The following PARD3B variants were observed in gnomAD, a reference collection of about 807,000 sequenced individuals.
PARD3B encodes par-3 family cell polarity regulator beta.
A neutral mutation model predicts 130.2 loss-of-function variants in PARD3B; 103 were observed. That is an observed-to-expected ratio of 0.79 (90% CI 0.67 to 0.93). The LOEUF is 0.93. PARD3B is among the 40% of genes least tolerant of loss of function. PARD3B has a pLI of 0.00. For missense variants in PARD3B, 1,609 were observed against 1,499.2 expected (o/e 1.07, Z -1.21); for synonymous variants, 583 against 553.2 (o/e 1.05, Z -0.76).
rs1025687029 is a variant in PARD3B, at chr2:205,341,470, T to G, written c.2630+39769T>G. Among the ~76,000 whole-genome samples the G allele has an allele frequency of 2.0e-5, 3 of 152,124 alleles. No individual in the cohort carries two copies. Among genetic ancestry groups the G allele is most frequent in the Non-Finnish European group, 4.4e-5 (3 of 67,996 alleles). On this transcript the variant is annotated intron_variant, in intron 18 of 22. Transcript: ENST00000406610. This position sits in a 1 kb window ranked among gnomAD's most constrained non-coding sequence, Gnocchi z 4.3. ...TGGATGAGCCTGGAGGACATTATGT[T>G]AAACAAAATAAGTCAGGCACAGAAA...
chr2:205,535,338 C>G (rs1553539222), intron 21 of PARD3B, among the ~76,000 whole-genome samples: 2 of 152,118 alleles, frequency 1.3e-5, no homozygotes, highest in Non-Finnish European at 2.9e-5. Flanking sequence ...TACTCAGACT[C>G]TTTATTTGGT....
At chr2:204,759,315 A>G (rs547160149) in intron 2 of PARD3B, among the ~76,000 whole-genome samples, 103 of 152,312 alleles carry the variant, frequency 6.8e-4, no homozygotes, top group African/African-American at 2.4e-3. Context: ...AAACTTTTCA[A>G]ATAAGTATAA....
rs139969962 is a variant in PARD3B at position 204,680,027 on chromosome 2, T to A, written c.121-6154T>A. 3.2e-4 allele frequency among the ~76,000 whole-genome samples: 49 copies of A among 152,194 alleles called. 2 individuals carry two copies. The East Asian group carries it at 4.4e-3, about 14-fold the overall frequency. ...AGAGAGAGACTGGGATATTATTTTC[T>A]TGTAATATCCTTGTAAGGATATTGG... is the stretch of plus-strand genomic sequence containing the variant. On this transcript the variant is annotated intron_variant, in intron 1 of 22. Transcript: ENST00000406610.
At chr2:205,528,521 C>A (rs1030423435) in intron 21 of PARD3B, among the ~76,000 whole-genome samples, 1 of 150,368 alleles carries the variant, frequency 6.7e-6, no homozygotes, top group South Asian at 2.1e-4. Context: ...GAAACAGAGT[C>A]TTGCTCTGTT....
chr2:204,761,007 T>C (rs940858159), intron 2 of PARD3B, among the ~76,000 whole-genome samples: 6 of 152,190 alleles, frequency 3.9e-5, no homozygotes, highest in African/African-American at 1.4e-4. Context: ...TTTACAGATA[T>C]TCTTTTATTT....
At chr2:205,079,877 A>G (rs191592155) in intron 4 of PARD3B, among the ~76,000 whole-genome samples, 1 of 152,306 alleles carries the variant, frequency 6.6e-6, no homozygotes, top group East Asian at 1.9e-4. Context: ...GTTTATATTT[A>G]TTTAAAGATT....
At chr2:204,734,978 TGAAAAAAG>T (rs917650707) in intron 2 of PARD3B, among the ~76,000 whole-genome samples, 3 of 151,326 alleles carry the variant, frequency 2.0e-5, no homozygotes, top group African/African-American at 4.9e-5. Flanking sequence ...GTTAAAATAA[TGAAAAAAG>T]GAAAAAAGGA....
intron 13 of PARD3B, among the ~76,000 whole-genome samples, chr2:205,185,420 T>A (rs2125786502): frequency 6.6e-6 from 1 of 152,322 alleles, no homozygotes; most frequent in South Asian, 2.1e-4. Flanking sequence ...TACAAAAATA[T>A]TAAGGCATAA....
chr2:204,734,394 G>C (rs988222802), intron 2 of PARD3B, among the ~76,000 whole-genome samples: 1 of 152,164 alleles, frequency 6.6e-6, no homozygotes, highest in African/African-American at 2.4e-5. Context: ...TAGCCATTGT[G>C]TTCTTAAGTA....
intron 1 of PARD3B, among the ~76,000 whole-genome samples, chr2:204,638,868 A>G (rs1053012409): frequency 6.6e-6 from 1 of 152,234 alleles, no homozygotes. Context: ...CTTTAATTCT[A>G]GGACCTATTC....
At chr2:204,923,055 G>A (rs1290700820) in intron 2 of PARD3B, among the ~76,000 whole-genome samples, 1 of 152,026 alleles carries the variant, frequency 6.6e-6, no homozygotes, top group African/African-American at 2.4e-5. Flanking sequence ...AGCTACCTCT[G>A]ACTGCTTTGT....
chr2:204,923,490 AC>A (rs2047761804), intron 2 of PARD3B, among the ~76,000 whole-genome samples: 2 of 151,950 alleles, frequency 1.3e-5, no homozygotes, highest in African/African-American at 4.8e-5. Context: ...GTCAGCCTTA[AC>A]CCTATACTTA....
At chr2:205,381,281 A>G (rs1308188657) in intron 18 of PARD3B, among the ~76,000 whole-genome samples, 1 of 144,196 alleles carries the variant, frequency 6.9e-6, no homozygotes, top group Admixed American at 7.4e-5. Context: ...GTGGACATTT[A>G]TTTGCCCATG....
chr2:205,067,258 G>A (rs1700451990), intron 4 of PARD3B, among the ~76,000 whole-genome samples: 1 of 151,730 alleles, frequency 6.6e-6, no homozygotes, highest in Non-Finnish European at 1.5e-5. Context: ...TCAAATTCCT[G>A]GGTCCAAGCA....
chr2:205,510,737 T>G (rs2050557951), intron 21 of PARD3B, among the ~76,000 whole-genome samples: 1 of 152,092 alleles, frequency 6.6e-6, no homozygotes, highest in South Asian at 2.1e-4. Context: ...GTTAAGCGCT[T>G]AAAATAGGAG....
chr2:204,571,082 C>A (rs1490911335), intron 1 of PARD3B, among the ~76,000 whole-genome samples: 2 of 152,054 alleles, frequency 1.3e-5, no homozygotes, highest in Non-Finnish European at 2.9e-5. Context: ...GCTGTTAGTT[C>A]TGATTTCTGG....
At chr2:205,008,656 C>T in intron 3 of PARD3B, among the ~76,000 whole-genome samples, 1 of 151,984 alleles carries the variant, frequency 6.6e-6, no homozygotes, top group East Asian at 1.9e-4. Context: ...GATAGAAAAC[C>T]TAAGAATCTT....
In PARD3B at chr2:205,313,142, TA is replaced by T. The variant is rs1309624018; in HGVS notation, c.2630+11446del. 3.3e-5 allele frequency among the ~76,000 whole-genome samples: 5 copies of T among 152,290 alleles called. No individual in the cohort carries two copies. The East Asian group carries it at 7.7e-4, about 24-fold the overall frequency. On this transcript the variant is annotated intron_variant, in intron 18 of 22. Transcript: ENST00000406610. ...TGGCGATAGATGCAAGTATGATAAC[TA>T]AAAAGTTAAGTATAGATTAAATTTA...
Position 204,989,352 on chromosome 2 carries a change from T to C in PARD3B, c.394+24029T>C, listed in dbSNP as rs755418158. Among the ~76,000 whole-genome samples, 141 of 152,256 alleles carry C rather than the reference T, an allele frequency of 9.3e-4. 2 individuals are homozygous for C. Among genetic ancestry groups the C allele is most frequent in the Non-Finnish European group, 1.6e-3 (110 of 68,008 alleles). On this transcript the variant is annotated intron_variant, in intron 3 of 22. Transcript: ENST00000406610. ...GGTGAGATTTTTCTGGAAACCAGGATGGAACCAGAACTGGAAGCACTTACA... is the reference window on the plus strand; with the variant it reads ...GGTGAGATTTTTCTGGAAACCAGGACGGAACCAGAACTGGAAGCACTTACA...
Sources: gnomAD v4.1 joint callset for allele counts (sites outside exome capture counted in the v4.1 genomes callset) on GRCh38, gnomAD v4.1.1 for gene constraint, Gnocchi (gnomAD v3.1) non-coding constraint, MANE v1.5 for transcripts, NCBI Gene and HGNC (gene_info 2026-07-23, HGNC 2026-07-21) for gene names.